The following ADAM9 variants were observed in gnomAD, a reference collection of about 807,000 sequenced individuals.
The protein encoded by ADAM9 is ADAM metallopeptidase domain 9.
In ADAM9, 54 loss-of-function variants were observed where a neutral mutation model predicts 108.1. The observed-to-expected ratio is 0.50, with a 90% confidence interval of 0.40 to 0.63. The LOEUF is 0.63. Among genes scored for constraint, ADAM9 ranks in the 20% least tolerant of loss-of-function variants. ADAM9 has a pLI of 0.00. For missense variants in ADAM9, 830 were observed against 997.7 expected (o/e 0.83, Z 2.26); for synonymous variants, 316 against 336.0 (o/e 0.94, Z 0.65).
chr8:39,031,991 C>G (rs1222809340), intron 11 of ADAM9, among the ~76,000 whole-genome samples: 2 of 152,206 alleles, frequency 1.3e-5, no homozygotes, highest in African/African-American at 4.8e-5. Context: ...GGCTGCAGAA[C>G]AGCAAATATT....
At chr8:39,046,333 G>A (rs1371597057) in intron 12 of ADAM9, among the ~76,000 whole-genome samples, 3 of 152,050 alleles carry the variant, frequency 2.0e-5, no homozygotes, top group African/African-American at 7.2e-5. Flanking sequence ...CAACTTTACT[G>A]AATTTATTTA....
intron 9 of ADAM9, among the ~76,000 whole-genome samples, chr8:39,023,845 G>A (rs562356599): frequency 6.8e-6 from 1 of 146,314 alleles, no homozygotes; most frequent in East Asian, 2.1e-4. Context: ...CTCCCAGGTC[G>A]AAGCAATTCT....
intron 11 of ADAM9, among the ~76,000 whole-genome samples, chr8:39,035,815 T>TCAAAACAAAA (rs1044278358): frequency 6.6e-6 from 1 of 152,056 alleles, no homozygotes; most frequent in African/African-American, 2.4e-5. Context: ...AGACTCTGTC[T>TCAAAACAAAA]CAAAACAAAA....
At chr8:39,005,150 C>T (rs993780552) in intron 1 of ADAM9, among the ~76,000 whole-genome samples, 7 of 152,124 alleles carry the variant, frequency 4.6e-5, no homozygotes, top group Non-Finnish European at 8.8e-5. Flanking sequence ...GGACAAAGAT[C>T]TATCTTCTGT....
At chr8:39,060,974 C>G (rs1453505846) in intron 14 of ADAM9, among the ~76,000 whole-genome samples, 1 of 152,224 alleles carries the variant, frequency 6.6e-6, no homozygotes, top group Non-Finnish European at 1.5e-5. Context: ...CAATGAAATA[C>G]ATTTGGTATA....
chr8:39,101,698 G>A (rs184495970), intron 20 of ADAM9, among the ~76,000 whole-genome samples, 165 bp from the exon 21 acceptor site: 2 of 151,652 alleles, frequency 1.3e-5, no homozygotes, highest in African/African-American at 4.8e-5. Context: ...TTCCAAAATT[G>A]GAAAAAAAAT....
chr8:39,057,917 C>T (rs1838176976), intron 14 of ADAM9, among the ~76,000 whole-genome samples: 1 of 152,076 alleles, frequency 6.6e-6, no homozygotes, highest in Non-Finnish European at 1.5e-5. Context: ...TAACCCTCAT[C>T]AAAAATCCAC....
At chr8:39,045,367 TGTGTAC>T (rs1837688360) in intron 12 of ADAM9, among the ~76,000 whole-genome samples, 7 of 121,088 alleles carry the variant, frequency 5.8e-5, no homozygotes, top group South Asian at 2.8e-4. Context: ...CATATAGGTG[TGTGTAC>T]ATACACCTAT....
intron 14 of ADAM9, among the ~76,000 whole-genome samples, chr8:39,063,662 C>T (rs189255191): frequency 6.6e-6 from 1 of 152,308 alleles, no homozygotes; most frequent in African/African-American, 2.4e-5. Context: ...GTGGAGGTTG[C>T]AGTTAGCTGA....
chr8:39,049,955 C>T (rs1456141673), intron 12 of ADAM9, among the ~76,000 whole-genome samples: 1 of 152,202 alleles, frequency 6.6e-6, no homozygotes, highest in Non-Finnish European at 1.5e-5. Flanking sequence ...AAGGTCTAAT[C>T]ATGATGAACT....
intron 11 of ADAM9, among the ~76,000 whole-genome samples, chr8:39,030,239 G>A (rs73602704): frequency 1.8e-3 from 275 of 152,134 alleles, no homozygotes; most frequent in African/African-American, 6.3e-3. Context: ...AAAATCCTCT[G>A]TGCTCCACCT....
intron 12 of ADAM9, among the ~76,000 whole-genome samples, chr8:39,046,466 A>T (rs1837778382): frequency 6.6e-6 from 1 of 152,072 alleles, no homozygotes; most frequent in African/African-American, 2.4e-5. Flanking sequence ...TTTCTTGCTA[A>T]TTGTTCTGGC....
chr8:39,033,084 C>A (rs1362669030), intron 11 of ADAM9, among the ~76,000 whole-genome samples: 2 of 152,062 alleles, frequency 1.3e-5, no homozygotes, highest in Non-Finnish European at 2.9e-5. Flanking sequence ...TTATTTAGTT[C>A]TTTGATTCTT....
chr8:39,059,982 A>G (rs989603652), intron 14 of ADAM9, among the ~76,000 whole-genome samples: 3 of 152,194 alleles, frequency 2.0e-5, no homozygotes, highest in Non-Finnish European at 4.4e-5. Flanking sequence ...GTTTGGCTCA[A>G]TTACATACGT....
intron 11 of ADAM9, among the ~76,000 whole-genome samples, chr8:39,037,235 T>G: frequency 6.7e-6 from 1 of 149,482 alleles, no homozygotes; most frequent in Admixed American, 6.6e-5. Context: ...TTTTTTTTTT[T>G]TATTTTTAGT....
Position 39,077,370 on chromosome 8 carries a change from C to G in ADAM9, c.1840C>G (p.Pro614Ala). The change falls in exon 16 of 22, where the codon CCT becomes GCT. Residue 614 changes from proline (P) to alanine (A), a missense_variant. Pro to Ala is a conservative substitution (Grantham distance 27). Transcript: ENST00000487273. ...CCAGCTAGGATCAGATGTTCCAGAT[C>G]CTGGGATGGTTAACGAAGGCACAAA... Reference protein sequence around the residue: ...DFQLGSDVPDPGMVNEGTKCG... With the variant: ...DFQLGSDVPDAGMVNEGTKCG... The G allele has an allele frequency of 6.2e-7, 1 of 1,613,554 alleles. No homozygotes were observed. Among genetic ancestry groups the G allele is most frequent in the Non-Finnish European group, 8.5e-7 (1 of 1,179,754 alleles).
At chr8:39,055,471 G>T in intron 13 of ADAM9, 106 bp from the exon 14 acceptor site, 1 of 1,124,824 alleles carries the variant, frequency 8.9e-7, no homozygotes, top group East Asian at 2.4e-5. Context: ...TTAATCTTTT[G>T]CTATTGTTAG....
chr8:39,050,035 T>C (rs890127454), intron 12 of ADAM9, among the ~76,000 whole-genome samples: 1 of 152,200 alleles, frequency 6.6e-6, no homozygotes, highest in Non-Finnish European at 1.5e-5. Context: ...TTGCCAGATA[T>C]AGGATTCTTT....
chr8:39,064,631 G>A (rs1838399013), intron 14 of ADAM9, among the ~76,000 whole-genome samples: 1 of 152,126 alleles, frequency 6.6e-6, no homozygotes. Flanking sequence ...ATCTGAAGGC[G>A]AATCATTGGC....
Sources: gnomAD v4.1 joint callset for allele counts (sites outside exome capture counted in the v4.1 genomes callset) on GRCh38, gnomAD v4.1.1 for gene constraint, MANE v1.5 for transcripts, NCBI Gene and HGNC (gene_info 2026-07-23, HGNC 2026-07-21) for gene names.